The following PECAM1 variants were observed in gnomAD, a reference collection of about 807,000 sequenced individuals.
PECAM1 encodes platelet endothelial cell adhesion molecule.
A neutral mutation model predicts 13.8 loss-of-function variants in PECAM1; 8 were observed. That is an observed-to-expected ratio of 0.58 (90% confidence interval 0.34 to 1.05). The LOEUF (loss-of-function observed/expected upper bound fraction) is 1.05. PECAM1 is among the 50% of genes least tolerant of loss of function. The probability of loss-of-function intolerance (pLI) is 0.03; values close to 1 mark genes in which losing one functional copy is unlikely to be tolerated. For synonymous variants in PECAM1, 136 were observed against 52.6 expected, an observed-to-expected ratio of 2.58 and a Z score of -6.86; for missense variants, 304 against 141.2, an observed-to-expected ratio of 2.15 and a Z score of -5.84.
At chr17:64,342,794 G>A (rs1181145042) in intron 13 of PECAM1, among the ~76,000 whole-genome samples, 1 of 152,034 alleles carries the variant, frequency 6.6e-6, no homozygotes, top group Non-Finnish European at 1.5e-5. Context: ...CACAGGATGT[G>A]TATACAAAAA....
At chr17:64,386,949 G>A (rs2036606622) in intron 2 of PECAM1, among the ~76,000 whole-genome samples, 2 of 152,062 alleles carry the variant, frequency 1.3e-5, no homozygotes, top group Non-Finnish European at 2.9e-5. Context: ...GTGAACTTAG[G>A]GGAGGAGGGG....
intron 11 of PECAM1, among the ~76,000 whole-genome samples, chr17:64,351,346 G>T (rs1226497328): frequency 1.3e-5 from 2 of 151,940 alleles, no homozygotes; most frequent in African/African-American, 4.8e-5. Context: ...TCTGTAAAAA[G>T]TATATCCTAA....
chr17:64,341,997 A>G (rs1484613955), intron 13 of PECAM1, among the ~76,000 whole-genome samples: 1 of 152,028 alleles, frequency 6.6e-6, no homozygotes, highest in Admixed American at 6.6e-5. Context: ...TAAAAATTCA[A>G]AAAATTAGCC....
chr17:64,366,529 G>A (rs2036109307), intron 5 of PECAM1, among the ~76,000 whole-genome samples: 1 of 151,688 alleles, frequency 6.6e-6, no homozygotes, highest in Admixed American at 6.6e-5. Flanking sequence ...GCACACGTAT[G>A]TTTATTGTGG....
At position 64,350,631 on chromosome 17, in the gene PECAM1, TTTTC is replaced by T. The variant is rs1555649858; in HGVS notation, c.1991-202_1991-199del. ...GACCTGCTGTGTAGTCTTTTTCTTT[TTTTC>T]TTTCTTTCTTTTTTTTTTTTTTTTG... On this transcript the variant is annotated intron_variant, in intron 11 of 15. Transcript: ENST00000563924. Among the ~76,000 whole-genome samples, 226 of 120,378 alleles carry T rather than the reference TTTTC, an allele frequency of 1.9e-3. 3 individuals are homozygous for T. Among genetic ancestry groups the T allele is most frequent in the South Asian group, 5.9e-3 (18 of 3,034 alleles). 79.0% of individuals were successfully genotyped at this position (120,378 alleles called of 152,430 possible). A position where few individuals can be genotyped will look rare whatever the true frequency, so the allele number is the denominator to read the frequency against.
intron 3 of PECAM1, among the ~76,000 whole-genome samples, chr17:64,377,068 CAAT>C: frequency 6.6e-6 from 1 of 152,206 alleles, no homozygotes; most frequent in East Asian, 1.9e-4. Flanking sequence ...TTAACCCTCT[CAAT>C]AATTGCCTGA....
rs2034795865 is a variant in PECAM1 at position 64,320,441 on chromosome 17, T to A, written c.*3375A>T. On this transcript the variant is annotated 3_prime_UTR_variant, in exon 16 of 16. Coordinates refer to ENST00000563924, the MANE Select transcript of PECAM1 (RefSeq NM_000442.5). ...TGCCTCAGGGCCTTCCTGCACTTCTTCCTTTTGTCCTCAATGTTCTTCACC... is the reference window on the plus strand; with the variant it reads ...TGCCTCAGGGCCTTCCTGCACTTCTACCTTTTGTCCTCAATGTTCTTCACC... 1 of 152,598 alleles carries A rather than the reference T, an allele frequency of 6.6e-6. No individual in the cohort carries two copies. The highest frequency in any genetic ancestry group is 1.5e-5 in the Non-Finnish European group (1 of 68,400). 9.5% of individuals were successfully genotyped at this position (152,598 alleles called of 1,614,324 possible). A position where few individuals can be genotyped will look rare whatever the true frequency, so the allele number is the denominator to read the frequency against.
In PECAM1 at chr17:64,321,590, T is replaced by C; in HGVS notation, c.*2226A>G. ...CTGGGCACCATGGTGAAACCTCATC[T>C]CTGCAAAAAAAAAATTAAAAATTAG... is the stretch of plus-strand genomic sequence containing the variant. On this transcript the variant is annotated 3_prime_UTR_variant, in exon 16 of 16. Coordinates refer to ENST00000563924, the MANE Select transcript of PECAM1 (RefSeq NM_000442.5). 2.1e-6 allele frequency: 1 copy of C among 480,810 alleles called. No individual in the cohort carries two copies. Among genetic ancestry groups the C allele is most frequent in the Non-Finnish European group, 2.8e-6 (1 of 351,744 alleles). The allele number at this position is 480,810 out of a possible 1,614,324, so 29.8% of individuals were successfully genotyped here. A position where few individuals can be genotyped will look rare whatever the true frequency, so the allele number is the denominator to read the frequency against.
intron 12 of PECAM1, among the ~76,000 whole-genome samples, chr17:64,349,372 G>A (rs1292103446): frequency 6.6e-6 from 1 of 152,060 alleles, no homozygotes; most frequent in Admixed American, 6.6e-5. Flanking sequence ...CAGATCACCT[G>A]AGGTCAGGAG....
chr17:64,351,453 AG>A (rs1245810725), intron 11 of PECAM1, among the ~76,000 whole-genome samples: 1 of 152,172 alleles, frequency 6.6e-6, no homozygotes, highest in Non-Finnish European at 1.5e-5. Context: ...GGCTGGGCTC[AG>A]GGGCTCACAC....
At chr17:64,334,220 TC>T (rs1203596670) in intron 14 of PECAM1, among the ~76,000 whole-genome samples, 1 of 150,940 alleles carries the variant, frequency 6.6e-6, no homozygotes, top group Non-Finnish European at 1.5e-5. Context: ...CAAACTCAAG[TC>T]CCCCGGGCCA....
intron 2 of PECAM1, among the ~76,000 whole-genome samples, chr17:64,378,444 C>G (rs1374120684): frequency 6.6e-6 from 1 of 152,172 alleles, no homozygotes; most frequent in Non-Finnish European, 1.5e-5. Flanking sequence ...CAGTTAGAGA[C>G]TGGCCTGGCC....
At chr17:64,369,568 G>A (rs2036192355) in intron 5 of PECAM1, among the ~76,000 whole-genome samples, 182 bp downstream of exon 5, 1 of 152,182 alleles carries the variant, frequency 6.6e-6, no homozygotes, top group African/African-American at 2.4e-5. Context: ...AACACGCACA[G>A]TAGACTGTTA....
chr17:64,359,784 G>A (rs989199009), intron 7 of PECAM1, among the ~76,000 whole-genome samples: 3 of 149,592 alleles, frequency 2.0e-5, no homozygotes, highest in East Asian at 2.0e-4. Flanking sequence ...ATGGAGTTTC[G>A]CTCTTGTTGC....
chr17:64,390,072 G>T, intron 2 of PECAM1: 1 of 168,214 alleles, frequency 5.9e-6, no homozygotes, highest in Non-Finnish European at 1.3e-5. Context: ...AAAAGAAAAT[G>T]TGTGCTACTT....
intron 7 of PECAM1, 32 bp from the exon 8 acceptor site, chr17:64,356,430 AAAG>A: frequency 4.5e-6 from 2 of 442,582 alleles, no homozygotes; most frequent in Non-Finnish European, 8.2e-6. Flanking sequence ...CACACTGAGC[AAAG>A]AAGGGCAGAG....
intron 2 of PECAM1, among the ~76,000 whole-genome samples, chr17:64,386,060 G>A (rs1328452584): frequency 6.6e-6 from 1 of 152,220 alleles, no homozygotes; most frequent in Admixed American, 6.5e-5. Context: ...CTAGGCGGGT[G>A]CAGTGGGGAT....
chr17:64,388,977 A>G (rs1163526840), intron 2 of PECAM1, among the ~76,000 whole-genome samples: 1 of 152,104 alleles, frequency 6.6e-6, no homozygotes, highest in African/African-American at 2.4e-5. Context: ...AAAATCGGTT[A>G]TTTCTGAGGC....
intron 14 of PECAM1, among the ~76,000 whole-genome samples, chr17:64,330,589 T>G (rs1213732452): frequency 6.7e-6 from 1 of 149,518 alleles, no homozygotes; most frequent in Admixed American, 6.7e-5. Flanking sequence ...TGAGCTGAGA[T>G]CGCACCACTG....
Sources: allele counts gnomAD v4.1 joint callset (sites outside exome capture counted in the v4.1 genomes callset), GRCh38; gene constraint gnomAD v4.1.1; transcripts MANE v1.5; gene names NCBI Gene and HGNC (gene_info 2026-07-23, HGNC 2026-07-21).